The following LRP2 variants were observed in gnomAD, a reference collection of about 807,000 sequenced individuals.
The protein encoded by LRP2 is LDL receptor related protein 2.
A neutral mutation model predicts 531.0 loss-of-function variants in LRP2; 172 were observed. The ratio of observed to expected loss-of-function variants is 0.32; its 90% CI spans 0.29 to 0.37. The LOEUF is 0.37. Ranked by LOEUF, LRP2 falls within the 10% of genes least tolerant of loss-of-function variation. LRP2 has a pLI of 1.00. For synonymous variants in LRP2, 1,992 were observed against 2,027.6 expected (o/e 0.98, Z 0.47); for missense variants, 5,167 against 5,868.3 (o/e 0.88, Z 3.90).
intron 17 of LRP2, among the ~76,000 whole-genome samples, chr2:169,257,936 T>C (rs1165460356): frequency 6.6e-6 from 1 of 151,842 alleles, no homozygotes; most frequent in African/African-American, 2.4e-5. Context: ...CTTTCTGAAA[T>C]GTAACTACTT....
At chr2:169,280,850 T>C (rs1683685172) in intron 10 of LRP2, among the ~76,000 whole-genome samples, 1 of 152,216 alleles carries the variant, frequency 6.6e-6, no homozygotes, top group Non-Finnish European at 1.5e-5. Flanking sequence ...GACTCCTTGA[T>C]GGTATGGGCA....
intron 60 of LRP2, among the ~76,000 whole-genome samples, chr2:169,169,227 C>T (rs1222220538): frequency 6.6e-6 from 1 of 152,198 alleles, no homozygotes; most frequent in Non-Finnish European, 1.5e-5. Context: ...AGTCTCTCAT[C>T]CCACCTGAGG....
chr2:169,284,241 C>CTTTTTCTTT (rs1683781625), intron 9 of LRP2, among the ~76,000 whole-genome samples: 1 of 100,436 alleles, frequency 1.0e-5, no homozygotes, highest in African/African-American at 3.6e-5. Flanking sequence ...CTTTTCTTTT[C>CTTTTTCTTT]TTTTTCTTTT....
intron 3 of LRP2, among the ~76,000 whole-genome samples, chr2:169,307,602 T>G (rs1051915898): frequency 2.0e-5 from 3 of 152,182 alleles, no homozygotes; most frequent in African/African-American, 7.2e-5. Context: ...CACTCAAGCA[T>G]GCTATGTACA....
chr2:169,241,429 G>A, intron 24 of LRP2, 64 bp from the exon 25 acceptor site: 1 of 1,569,558 alleles, frequency 6.4e-7, no homozygotes, highest in South Asian at 1.1e-5. Context: ...TTATAGTCTA[G>A]ACTCAGAGGA....
Position 169,289,163 on chromosome 2 carries a change from CT to C in LRP2, c.923-19del, listed in dbSNP as rs535311793. On this transcript the variant is annotated intron_variant, in intron 8 of 78. Transcript: ENST00000649046. ...AGTCATACCTAAACGAAGAAAAGAA[CT>C]TTGTTAAATGAATGGTGACCTCTGG... The C allele has an allele frequency of 9.7e-5, 157 of 1,613,768 alleles. No homozygotes were observed. In the East Asian group the frequency reaches 3.4e-3, roughly 35 times the overall value.
At chr2:169,139,230 G>T (rs373724562) in intron 74 of LRP2, 21 bp downstream of exon 74, 14 of 1,613,888 alleles carry the variant, frequency 8.7e-6, no homozygotes, top group Admixed American at 3.3e-5. Flanking sequence ...AAACATCAAC[G>T]TTCCCCATAA....
chr2:169,185,473 C>A (rs754945451), intron 50 of LRP2, 30 bp downstream of exon 50: 1 of 1,608,514 alleles, frequency 6.2e-7, no homozygotes, highest in Admixed American at 1.7e-5. Flanking sequence ...TAATTTTTAA[C>A]TTTTAAAAAG....
intron 3 of LRP2, among the ~76,000 whole-genome samples, chr2:169,308,199 A>T (rs1377717595): frequency 2.6e-5 from 4 of 151,800 alleles, no homozygotes; most frequent in African/African-American, 9.7e-5. Flanking sequence ...AATTTTTACA[A>T]AACTTCTTTT....
chr2:169,247,331 A>C (rs1347502926), intron 20 of LRP2, 47 bp downstream of exon 20: 1 of 1,605,608 alleles, frequency 6.2e-7, no homozygotes. Context: ...GTAACAAATA[A>C]ATAAACCCAT....
chr2:169,186,346 T>G (rs1687637228), intron 49 of LRP2, among the ~76,000 whole-genome samples: 1 of 152,186 alleles, frequency 6.6e-6, no homozygotes, highest in Non-Finnish European at 1.5e-5. Context: ...TGTTCCAGTG[T>G]GACTGTTCAC....
intron 71 of LRP2, 25 bp from the exon 72 acceptor site, chr2:169,140,570 G>A: frequency 1.3e-6 from 2 of 1,569,104 alleles, no homozygotes; most frequent in Non-Finnish European, 8.8e-7. Flanking sequence ...AGCCATGCAG[G>A]TGTTAGTCAG....
chr2:169,359,398 A>C (rs1165079337), intron 1 of LRP2, among the ~76,000 whole-genome samples: 1 of 152,206 alleles, frequency 6.6e-6, no homozygotes, highest in African/African-American at 2.4e-5. Context: ...TTTTAACAAC[A>C]GATGTGGTAT....
At chr2:169,259,745 CAAA>C (rs5836225) in intron 16 of LRP2, among the ~76,000 whole-genome samples, 11 of 150,776 alleles carry the variant, frequency 7.3e-5, no homozygotes, top group South Asian at 2.1e-4. Context: ...ACAACAACAA[CAAA>C]AAAAAAAAAA....
chr2:169,223,377 G>A (rs1047006138), intron 33 of LRP2, among the ~76,000 whole-genome samples: 1 of 152,184 alleles, frequency 6.6e-6, no homozygotes, highest in Admixed American at 6.5e-5. Context: ...TAAAAGAAGA[G>A]AACCCCATTT....
At chr2:169,356,906 C>T (rs10195737) in intron 1 of LRP2, among the ~76,000 whole-genome samples, 2,461 of 152,192 alleles carry the variant, frequency 0.016, 61 homozygotes, top group African/African-American at 0.053. Context: ...ATTTTAATTG[C>T]GAGATATGTA....
intron 24 of LRP2, 116 bp from the exon 25 acceptor site, chr2:169,241,481 G>A: frequency 1.9e-6 from 2 of 1,062,722 alleles, no homozygotes; most frequent in African/African-American, 1.5e-5. Context: ...TAACAACTAT[G>A]ACCAAATTAA....
rs1167229202 is a variant in LRP2 at position 169,201,850 on chromosome 2, T to A, written c.8230A>T (p.Thr2744Ser). Reference sequence around the variant, plus strand: ...CGCCCATTGGCACAGGTGAAGGCTGTCGGTGAGCAGGTGTGAAGTGCTAAG... The same window carrying A: ...CGCCCATTGGCACAGGTGAAGGCTGACGGTGAGCAGGTGTGAAGTGCTAAG... ...SVCALHTCSP[T>S]AFTCANGRCV... Residue 2744 changes from threonine to serine, a missense_variant, in exon 44 of 79, where the codon ACA becomes TCA. Around this residue, in one of 6 missense-constraint regions of LRP2, gnomAD observed 1,129 missense variants for 1,362.7 expected, o/e 0.83. Transcript: ENST00000649046. 1.9e-6 allele frequency: 3 copies of A among 1,614,160 alleles called. No homozygotes were observed. The highest frequency in any genetic ancestry group is 3.3e-5 in the Admixed American group (2 of 60,018).
intron 76 of LRP2, among the ~76,000 whole-genome samples, chr2:169,133,823 C>T (rs919569541): frequency 1.3e-5 from 2 of 152,152 alleles, no homozygotes; most frequent in Non-Finnish European, 2.9e-5. Context: ...CCTTTGCACC[C>T]GTCATCCCAG....
Sources: allele counts gnomAD v4.1 joint callset (sites outside exome capture counted in the v4.1 genomes callset), GRCh38; gene constraint gnomAD v4.1.1; regional missense constraint gnomAD v4.1.1; transcripts MANE v1.5; gene names NCBI Gene and HGNC (gene_info 2026-07-23, HGNC 2026-07-21).